Variants in MDGA2 observed in about 807,000 individuals in gnomAD.
MDGA2 encodes MAM domain-containing glycosylphosphatidylinositol anchor protein 2.
A neutral mutation model predicts 117.8 loss-of-function variants in MDGA2; 40 were observed. That is an observed-to-expected ratio of 0.34 (90% CI 0.26 to 0.44). The LOEUF (loss-of-function observed/expected upper bound fraction) is 0.44. MDGA2 is among the 20% of genes least tolerant of loss of function. The pLI is 1.00. For missense variants in MDGA2, 1,123 were observed against 1,250.6 expected (o/e 0.90, Z 1.54); for synonymous variants, 452 against 439.0 (o/e 1.03, Z -0.37).
At chr14:47,660,371 G>T (rs1349780323) in intron 1 of MDGA2, among the ~76,000 whole-genome samples, 1 of 152,160 alleles carries the variant, frequency 6.6e-6, no homozygotes, top group Non-Finnish European at 1.5e-5. Flanking sequence ...ATGATACAGG[G>T]TTATACTATA....
At chr14:46,938,306 AGGTGGGTGGATCACCTG>A (rs1884858341) in intron 9 of MDGA2, among the ~76,000 whole-genome samples, 1 of 151,970 alleles carries the variant, frequency 6.6e-6, no homozygotes, top group South Asian at 2.1e-4. Flanking sequence ...TGGGAGGCCT[AGGTGGGTGGATCACCTG>A]AGGTCAGGAG....
intron 1 of MDGA2, among the ~76,000 whole-genome samples, chr14:47,628,878 C>T (rs1439353955): frequency 6.6e-6 from 1 of 152,232 alleles, no homozygotes; most frequent in African/African-American, 2.4e-5. Flanking sequence ...CAGGGACACT[C>T]ATACTCCACA....
At chr14:47,619,489 T>C (rs1897011450) in intron 1 of MDGA2, among the ~76,000 whole-genome samples, 1 of 152,156 alleles carries the variant, frequency 6.6e-6, no homozygotes, top group Non-Finnish European at 1.5e-5. Flanking sequence ...AGGGTGGAAG[T>C]AGCCATGACT....
intron 10 of MDGA2, among the ~76,000 whole-genome samples, chr14:46,886,351 A>C (rs1226190966): frequency 6.6e-6 from 1 of 152,150 alleles, no homozygotes; most frequent in Non-Finnish European, 1.5e-5. Context: ...AACATACATC[A>C]ACATGGAAAA....
intron 8 of MDGA2, among the ~76,000 whole-genome samples, chr14:47,024,957 C>A (rs1888420294): frequency 6.6e-6 from 1 of 152,090 alleles, no homozygotes; most frequent in South Asian, 2.1e-4. Flanking sequence ...TACAGCTACT[C>A]CCTGCCAAAC....
At chr14:46,919,291 A>C (rs1884031358) in intron 10 of MDGA2, among the ~76,000 whole-genome samples, 1 of 152,186 alleles carries the variant, frequency 6.6e-6, no homozygotes, top group Non-Finnish European at 1.5e-5. Flanking sequence ...GAGAGAGCTA[A>C]AAGATTATGT....
chr14:46,971,795 A>T (rs569937447), intron 8 of MDGA2, among the ~76,000 whole-genome samples: 160 of 151,916 alleles, frequency 1.1e-3, no homozygotes, highest in African/African-American at 3.7e-3. Flanking sequence ...AGGGTAATGG[A>T]TAGCCCAGAT....
intron 8 of MDGA2, among the ~76,000 whole-genome samples, chr14:46,975,336 T>C (rs931087047): frequency 4.6e-5 from 7 of 152,154 alleles, no homozygotes; most frequent in African/African-American, 1.4e-4. Context: ...CCAGGGATTC[T>C]ACTTCTAAGT....
At chr14:47,262,370 A>G (rs1272469346) in intron 2 of MDGA2, among the ~76,000 whole-genome samples, 1 of 152,292 alleles carries the variant, frequency 6.6e-6, no homozygotes, top group African/African-American at 2.4e-5. Flanking sequence ...ACATGACTTA[A>G]TCTTGGCTTT....
chr14:47,012,361 T>A (rs940323937), intron 8 of MDGA2, among the ~76,000 whole-genome samples: 5 of 152,162 alleles, frequency 3.3e-5, no homozygotes, highest in Non-Finnish European at 1.5e-5. Context: ...TGATTTATTA[T>A]ATCATTTAGT....
intron 3 of MDGA2, chr14:47,200,697 C>T (rs1375471931): frequency 2.1e-6 from 2 of 948,886 alleles, no homozygotes; most frequent in Non-Finnish European, 3.3e-6. Context: ...TGGATCTTGG[C>T]CTTCTCCTTC....
chr14:47,614,239 G>A (rs1025987498), intron 1 of MDGA2, among the ~76,000 whole-genome samples: 27 of 150,836 alleles, frequency 1.8e-4, no homozygotes, highest in Non-Finnish European at 7.4e-5. Flanking sequence ...ACAGGCACCT[G>A]CCATCATGTT....
Position 46,920,162 on chromosome 14 carries a change from T to C in MDGA2, c.2090-2A>G. The C allele has an allele frequency of 6.2e-7, 1 of 1,606,116 alleles. No individual in the cohort carries two copies. The highest frequency in any genetic ancestry group is 8.5e-7 in the Non-Finnish European group (1 of 1,177,250). Reference sequence around the variant, plus strand: ...AGAATTCTGGAGCATAGGCCTTTCCTGAAAACAGAAAGTGTGCTTAAATTT... The same window carrying C: ...AGAATTCTGGAGCATAGGCCTTTCCCGAAAACAGAAAGTGTGCTTAAATTT... On this transcript the variant is annotated splice_acceptor_variant, in intron 9 of 16. Coordinates refer to ENST00000399232, the MANE Select transcript of MDGA2 (RefSeq NM_001113498.3). LOFTEE classifies it high-confidence loss of function.
intron 2 of MDGA2, among the ~76,000 whole-genome samples, chr14:47,245,349 A>G (rs1440000084): frequency 2.6e-5 from 4 of 151,864 alleles, no homozygotes; most frequent in African/African-American, 4.8e-5. Context: ...TACATACAAC[A>G]TACAAAATAT....
At chr14:47,301,307 A>C (rs961066913) in intron 2 of MDGA2, 104 bp downstream of exon 2, 5 of 1,262,512 alleles carry the variant, frequency 4.0e-6, no homozygotes, top group African/African-American at 1.5e-5. Context: ...ACACACACAC[A>C]CACACACACA....
intron 1 of MDGA2, among the ~76,000 whole-genome samples, chr14:47,540,987 T>G (rs938229830): frequency 3.9e-5 from 6 of 152,160 alleles, no homozygotes; most frequent in African/African-American, 1.4e-4. Flanking sequence ...TACTGCCTGA[T>G]CAGTAAATAC....
At chr14:47,560,074 T>A (rs1007320756) in intron 1 of MDGA2, among the ~76,000 whole-genome samples, 6 of 145,072 alleles carry the variant, frequency 4.1e-5, no homozygotes, top group Admixed American at 4.1e-4. Flanking sequence ...ATCTTAGGAT[T>A]TTTTTTTTTT....
chr14:47,142,315 GT>G (rs947519941), intron 4 of MDGA2, among the ~76,000 whole-genome samples: 1 of 151,998 alleles, frequency 6.6e-6, no homozygotes, highest in Non-Finnish European at 1.5e-5. Flanking sequence ...GTGGTGGCAG[GT>G]GCCTGTAATC....
At chr14:47,294,852 T>C (rs1354474962) in intron 2 of MDGA2, among the ~76,000 whole-genome samples, 4 of 152,204 alleles carry the variant, frequency 2.6e-5, no homozygotes, top group Non-Finnish European at 5.9e-5. Context: ...TTTATCATGG[T>C]AAGATTACCA....
Sources: gnomAD v4.1 joint callset for allele counts (sites outside exome capture counted in the v4.1 genomes callset) on GRCh38, gnomAD v4.1.1 for gene constraint, MANE v1.5 for transcripts, NCBI Gene and HGNC (gene_info 2026-07-23, HGNC 2026-07-21) for gene names.